Variants in INTS1 observed in about 807,000 individuals in gnomAD.
INTS1 encodes the protein integrator complex subunit 1.
In INTS1, 137 loss-of-function variants were observed where a neutral mutation model predicts 241.6. The ratio of observed to expected loss-of-function variants is 0.57; its 90% CI spans 0.49 to 0.65. The LOEUF (loss-of-function observed/expected upper bound fraction) is 0.65. Ranked by LOEUF, INTS1 falls within the 30% of genes least tolerant of loss-of-function variation. INTS1 has a pLI of 0.00. For synonymous variants in INTS1, 1,692 were observed against 1,337.8 expected (o/e 1.26, Z -5.78); for missense variants, 3,073 against 3,032.2 (o/e 1.01, Z -0.32).
Position 1,499,175 on chromosome 7 carries a change from G to A in INTS1, c.951-14C>T. ...AGCTCTTCGTACCTAGGCCAGAGGAGGGAGCGAGGAGGGAGGAAGGTGGCC... is the reference window on the plus strand; with the variant it reads ...AGCTCTTCGTACCTAGGCCAGAGGAAGGAGCGAGGAGGGAGGAAGGTGGCC... On this transcript the variant is annotated splice_polypyrimidine_tract_variant and intron_variant, in intron 7 of 47. Transcript: ENST00000404767. The A allele has an allele frequency of 6.2e-7, 1 of 1,607,048 alleles. No homozygotes were observed. The highest frequency in any genetic ancestry group is 1.1e-5 in the South Asian group (1 of 90,934).
rs1418042035 is a variant in INTS1, at chr7:1,470,334, G to A, written c.*243C>T. ...CAGGCCATGCCCGGGGGGATCCGCC[G>A]CTCCGCGGCAGGGCTGTGGCCCAGA... On this transcript the variant is annotated 3_prime_UTR_variant, in exon 48 of 48. Transcript: ENST00000404767. The A allele has an allele frequency of 1.7e-5, 8 of 470,862 alleles. No individual in the cohort carries two copies. Among genetic ancestry groups the A allele is most frequent in the South Asian group, 3.9e-5 (1 of 25,882 alleles). 29.2% of individuals were successfully genotyped at this position (470,862 alleles called of 1,614,324 possible). A position where few individuals can be genotyped will look rare whatever the true frequency, so the allele number is the denominator to read the frequency against.
chr7:1,495,865 C>T (rs1026242198), intron 12 of INTS1, among the ~76,000 whole-genome samples: 3 of 152,218 alleles, frequency 2.0e-5, no homozygotes, highest in African/African-American at 7.2e-5. Flanking sequence ...CTCCCCTCCC[C>T]ACTCCCGCCC....
At chr7:1,498,614 G>GCCCCCACTCCGCCCGCA in intron 9 of INTS1, 61 bp from the exon 10 acceptor site, 2 of 1,587,864 alleles carry the variant, frequency 1.3e-6, no homozygotes, top group South Asian at 2.2e-5. Context: ...CTCCGCCTGT[G>GCCCCCACTCCGCCCGCA]CCCCCACTCC....
chr7:1,498,385 G>A (rs11761394), intron 10 of INTS1, 27 bp downstream of exon 10: 74,614 of 1,612,130 alleles, frequency 0.046, 2,014 homozygotes, highest in Non-Finnish European at 0.055. Flanking sequence ...CCGGCGTGGA[G>A]GGCAAGGCCA....
At chr7:1,494,661 G>T in intron 14 of INTS1, 155 bp downstream of exon 14, 1 of 730,300 alleles carries the variant, frequency 1.4e-6, no homozygotes, top group Non-Finnish European at 2.3e-6. Flanking sequence ...GTGGGAGAAG[G>T]GTGGCACCCA....
In INTS1 at chr7:1,498,959, C is replaced by CCCCG. The variant is rs1583161228; in HGVS notation, c.1137+15_1137+16insCGGG. 4.0e-6 allele frequency: 6 copies of CCCCG among 1,488,842 alleles called. No individual in the cohort carries two copies. The highest frequency in any genetic ancestry group is 2.5e-5 in the South Asian group (2 of 81,140). 92.2% of individuals were successfully genotyped at this position (1,488,842 alleles called of 1,614,324 possible). On this transcript the variant is annotated intron_variant, in intron 8 of 47. Transcript: ENST00000404767. Reference sequence around the variant, plus strand: ...CCACCCCCTGCCCCGCCCACCCCCCCGGGGCGCCCCCGCACCTTGGGGTTC... The same window carrying CCCCG: ...CCACCCCCTGCCCCGCCCACCCCCCCCCCGGGGGCGCCCCCGCACCTTGGGGTTC...
chr7:1,471,238 A>G lies in INTS1; in HGVS notation c.6256-14T>C. On this transcript the variant is annotated splice_polypyrimidine_tract_variant and intron_variant, in intron 45 of 47. Coordinates refer to ENST00000404767, the MANE Select transcript of INTS1 (RefSeq NM_001080453.3). ...CTGCAGGTTGGTCTGACCGGGGGAA[A>G]GGTGGGAGGTGTGTGACCAAGGGGT... The G allele has an allele frequency of 1.3e-6, 2 of 1,564,280 alleles. No homozygotes were observed.
chr7:1,500,430 C>A (rs560057022), intron 3 of INTS1, 64 bp from the exon 4 acceptor site: 3 of 1,440,732 alleles, frequency 2.1e-6, no homozygotes, highest in Non-Finnish European at 1.8e-6. Flanking sequence ...AGCCTCGGGA[C>A]ACCGGGAAGA....
chr7:1,494,988 A>G, intron 13 of INTS1, 95 bp from the exon 14 acceptor site: 1 of 1,422,972 alleles, frequency 7.0e-7, no homozygotes, highest in Non-Finnish European at 9.6e-7. Context: ...CACGGGCCCC[A>G]GCGCTCAGAG....
In INTS1 at chr7:1,473,101, G is replaced by C; in HGVS notation, c.6041C>G (p.Thr2014Ser). ...GCCCTCTTCGTCCAGGCCTCGGTCG[G>C]TCCTGTCGTCCCTGCTGGGCAGGCT... is the stretch of plus-strand genomic sequence containing the variant. ...GLSLPSRDDR[T>S]DRGLDEEGEE... is the part of the protein sequence containing the mutation. Residue 2014 changes from threonine (T) to serine (S), a missense_variant, in exon 43 of 48, where the codon ACC becomes AGC. By Grantham distance (58) the Thr-to-Ser change is moderately conservative. Transcript: ENST00000404767. 6.2e-7 allele frequency: 1 copy of C among 1,611,312 alleles called. No individual in the cohort carries two copies. Among genetic ancestry groups the C allele is most frequent in the South Asian group, 1.1e-5 (1 of 90,988 alleles).
intron 30 of INTS1, 64 bp from the exon 31 acceptor site, chr7:1,479,748 G>C (rs1006252904): frequency 7.0e-7 from 1 of 1,419,228 alleles, no homozygotes; most frequent in African/African-American, 1.5e-5. Context: ...GCAGCGGAGA[G>C]GCTAAGCGCC....
rs553356609 is a variant in INTS1 at position 1,493,345 on chromosome 7, T to C, written c.2069-239A>G. Among the ~76,000 whole-genome samples the C allele has an allele frequency of 2.0e-5, 3 of 147,622 alleles. No homozygotes were observed. In the South Asian group the frequency reaches 6.6e-4, roughly 33 times the overall value. On this transcript the variant is annotated intron_variant, in intron 15 of 47. Transcript: ENST00000404767. This position sits in a 1 kb window ranked among gnomAD's most constrained non-coding sequence, Gnocchi z 5.3. ...AGCAGGCAGGGCTGCCAAGAGAGGG[T>C]AGGGAGGTGAGGACGGGGGTGTGGC...
rs1293001251 is a variant in INTS1, at chr7:1,476,245, G to A, written c.5362C>T (p.Gln1788Ter). ...CCTGAGCACCTGTCTCCCCACTGCT[G>A]GATGCAGCCTGACAGGTGCTCCGTC... ...KVTEHLSGCI[Q>*]QWGDSVLGRR... The change falls in exon 38 of 48, where the codon CAG (glutamine) becomes TAG (stop). Residue 1788 changes from glutamine (Q) to a stop codon, truncating the protein, a stop_gained. Transcript: ENST00000404767. LOFTEE classifies it high-confidence loss of function. The A allele has an allele frequency of 1.9e-6, 3 of 1,558,806 alleles. No individual in the cohort carries two copies. The highest frequency in any genetic ancestry group is 1.7e-6 in the Non-Finnish European group (2 of 1,152,878).
In INTS1 at chr7:1,493,201, T is replaced by G. The variant is rs1583145105; in HGVS notation, c.2069-95A>C. 2.1e-4 allele frequency: 123 copies of G among 578,938 alleles called. No individual in the cohort carries two copies. Among genetic ancestry groups the G allele is most frequent in the East Asian group, 3.5e-4 (6 of 17,114 alleles). 35.9% of individuals were successfully genotyped at this position (578,938 alleles called of 1,614,324 possible). A position where few individuals can be genotyped will look rare whatever the true frequency, so the allele number is the denominator to read the frequency against. ...CGGCCCTGCTCGGGCCGCGTCGGGG[T>G]GGGGTGGGGGATGCCGCAGGGTGGG... On this transcript the variant is annotated intron_variant, in intron 15 of 47. Coordinates refer to ENST00000404767, the MANE Select transcript of INTS1 (RefSeq NM_001080453.3). The surrounding 1 kb of genome is among the most constrained non-coding windows in gnomAD (Gnocchi z 5.3).
Position 1,477,986 on chromosome 7 carries a change from G to A in INTS1, c.4631-50C>T, listed in dbSNP as rs538932828. On this transcript the variant is annotated intron_variant, in intron 33 of 47. Coordinates refer to ENST00000404767, the MANE Select transcript of INTS1 (RefSeq NM_001080453.3). The stretch of plus-strand genomic sequence containing the variant: ...TGGGTCACTCCCAGGTCGGGTGGGG[G>A]CCGCTGAGTGGGTGTGGGCTAGCCA... 4.6e-6 allele frequency: 7 copies of A among 1,519,834 alleles called. No individual in the cohort carries two copies. The Admixed American group carries it at 1.2e-4, about 26-fold the overall frequency. 94.1% of individuals were successfully genotyped at this position (1,519,834 alleles called of 1,614,324 possible).
chr7:1,492,830 T>C (rs968996124), intron 16 of INTS1, among the ~76,000 whole-genome samples, 180 bp downstream of exon 16: 4 of 146,338 alleles, frequency 2.7e-5, no homozygotes, highest in South Asian at 4.3e-4. Context: ...GGCGCGGGCT[T>C]ACCCGGGCGG....
rs190380077 is a variant in INTS1 at position 1,472,785 on chromosome 7, G to A, written c.6070+287C>T. The stretch of plus-strand genomic sequence containing the variant: ...GAGGCTTCCTGGGGAGGGACACCTC[G>A]GACAAGCACTGGTGGATGGTGGATG... On this transcript the variant is annotated intron_variant, in intron 43 of 47. Transcript: ENST00000404767. Among the ~76,000 whole-genome samples, 11 of 141,378 alleles carry A rather than the reference G, an allele frequency of 7.8e-5. No homozygotes were observed. The East Asian group carries it at 9.5e-4, about 12-fold the overall frequency. 92.7% of individuals were successfully genotyped at this position (141,378 alleles called of 152,430 possible). A position where few individuals can be genotyped will look rare whatever the true frequency, so the allele number is the denominator to read the frequency against.
In INTS1 at chr7:1,499,279, T is replaced by A; in HGVS notation, c.926A>T (p.Glu309Val). The stretch of plus-strand genomic sequence containing the variant: ...CCTGGGCATGAGCTGGCCCTCCTGC[T>A]CGGGGCTCAGCTTCTCCTCCGCGAT... ...LLIAEEKLSP[E>V]QEGQLMPRYE... Residue 309 changes from glutamate to valine, a missense_variant, in exon 7 of 48, where the codon GAG (glutamate) becomes GTG (valine). By Grantham distance (121) the Glu-to-Val change is moderately radical. Transcript: ENST00000404767. 5 of 1,609,996 alleles carry A rather than the reference T, an allele frequency of 3.1e-6. No homozygotes were observed. The highest frequency in any genetic ancestry group is 4.2e-6 in the Non-Finnish European group (5 of 1,178,794).
Position 1,486,708 on chromosome 7 carries a change from C to T in INTS1, c.2893G>A (p.Glu965Lys). The stretch of plus-strand genomic sequence containing the variant: ...TCCAGCACCTCACACGTGGTCTGCT[C>T]ATCAGCCTTCGGGCCCAGTAGCAGG... ...QDLLLGPKADEQTTCEVLDYF... is the reference protein window; with the variant it reads ...QDLLLGPKADKQTTCEVLDYF... The change falls in exon 22 of 48, where the codon GAG (glutamate) becomes AAG (lysine). Residue 965 changes from glutamate to lysine, a missense_variant. Physicochemically the swap from Glu to Lys is moderately conservative, Grantham distance 56 (BLOSUM62 1). Transcript: ENST00000404767. The T allele has an allele frequency of 1.9e-6, 3 of 1,612,710 alleles. No individual in the cohort carries two copies. In the East Asian group the frequency reaches 6.7e-5, roughly 36 times the overall value.
Sources: allele counts gnomAD v4.1 joint callset (sites outside exome capture counted in the v4.1 genomes callset), GRCh38; gene constraint gnomAD v4.1.1; non-coding constraint Gnocchi (gnomAD v3.1); transcripts MANE v1.5; gene names NCBI Gene and HGNC (gene_info 2026-07-23, HGNC 2026-07-21).